ASB3: variants seen among roughly 807,000 people sequenced by gnomAD.
ASB3 encodes the protein ankyrin repeat and SOCS box containing 3, also known as ankyrin repeat and SOCS box protein 3.
ASB3 carries 41 observed loss-of-function variants against 54.5 expected under a neutral mutation model. The observed-to-expected ratio is 0.75, with a 90% CI of 0.59 to 0.98. The LOEUF (loss-of-function observed/expected upper bound fraction) is 0.98. ASB3 is among the 50% of genes least tolerant of loss of function. ASB3 has a pLI of 0.00. For synonymous variants in ASB3, 266 were observed against 221.2 expected (o/e 1.20, Z -1.80); for missense variants, 733 against 620.0 (o/e 1.18, Z -1.94).
intron 2 of ASB3, among the ~76,000 whole-genome samples, chr2:53,752,846 T>C (rs556373424): frequency 3.6e-4 from 55 of 152,174 alleles, no homozygotes; most frequent in African/African-American, 1.0e-3. Context: ...ACAGAAGCAG[T>C]AAGAGACTAA....
At chr2:53,716,329 G>C (rs1355654460) in intron 6 of ASB3, among the ~76,000 whole-genome samples, 1 of 152,140 alleles carries the variant, frequency 6.6e-6, no homozygotes, top group African/African-American at 2.4e-5. Flanking sequence ...AACACCCCGA[G>C]AAAGTCCCTG....
intron 3 of ASB3, among the ~76,000 whole-genome samples, chr2:53,736,438 C>T (rs1035749360): frequency 1.9e-4 from 29 of 152,202 alleles, no homozygotes; most frequent in African/African-American, 6.5e-4. Flanking sequence ...GTGGCTCACG[C>T]CTGTAATCCC....
At chr2:53,725,934 C>CT (rs1315706118) in intron 5 of ASB3, among the ~76,000 whole-genome samples, 3 of 150,732 alleles carry the variant, frequency 2.0e-5, no homozygotes, top group African/African-American at 2.4e-5. Context: ...GAAACCTTAA[C>CT]TTTTTTTTTA....
intron 9 of ASB3, among the ~76,000 whole-genome samples, chr2:53,691,575 G>C (rs1281921961): frequency 6.6e-6 from 1 of 152,126 alleles, no homozygotes; most frequent in South Asian, 2.1e-4. Context: ...TGCTGGGTTT[G>C]AGCCCATTAG....
chr2:53,730,326 A>G (rs1188490298), intron 3 of ASB3, among the ~76,000 whole-genome samples: 1 of 152,200 alleles, frequency 6.6e-6, no homozygotes, highest in Non-Finnish European at 1.5e-5. Flanking sequence ...GTTAGGTGTG[A>G]GGCTACTGAG....
chr2:53,774,819 T>C (rs763129755), intron 1 of ASB3: 6 of 233,346 alleles, frequency 2.6e-5, no homozygotes, highest in Non-Finnish European at 4.9e-5. Context: ...AGAGTGATAA[T>C]CATCCTGTTT....
At chr2:53,715,409 G>T (rs1670330997) in intron 6 of ASB3, among the ~76,000 whole-genome samples, 1 of 152,130 alleles carries the variant, frequency 6.6e-6, no homozygotes, top group African/African-American at 2.4e-5. Context: ...CTCATGTAAT[G>T]TATGTCTAAG....
intron 1 of ASB3, chr2:53,767,696 A>G (rs184211461): frequency 3.1e-5 from 20 of 652,756 alleles, no homozygotes; most frequent in Middle Eastern, 8.6e-4. Context: ...AATCAAGGAA[A>G]TAAAATAAAG....
intron 3 of ASB3, 88 bp downstream of exon 3, chr2:53,750,695 A>G: frequency 7.3e-7 from 1 of 1,361,454 alleles, no homozygotes; most frequent in Non-Finnish European, 9.6e-7. Context: ...TACTATAAGC[A>G]CAACAGCTGA....
At chr2:53,673,331 G>C (rs184598012) in intron 9 of ASB3, among the ~76,000 whole-genome samples, 3 of 152,332 alleles carry the variant, frequency 2.0e-5, no homozygotes, top group Non-Finnish European at 4.4e-5. Flanking sequence ...CTCACATGGA[G>C]ATAAGGGATC....
chr2:53,757,886 A>C lies in ASB3; in HGVS notation c.197-6945T>G, dbSNP rs142149760. ...TTATCCCTCTGCAATACAATCTCCA[A>C]GCCTTGGCTCCTTGGCCAGGGCCTT... On this transcript the variant is annotated intron_variant, in intron 2 of 9. Transcript: ENST00000263634. Among the ~76,000 whole-genome samples, 57 of 152,284 alleles carry C rather than the reference A, an allele frequency of 3.7e-4. 1 individual carries two copies. In the East Asian group the frequency reaches 0.011, roughly 28 times the overall value.
At chr2:53,709,074 G>C (rs1015799414) in intron 7 of ASB3, among the ~76,000 whole-genome samples, 1 of 152,312 alleles carries the variant, frequency 6.6e-6, no homozygotes, top group Middle Eastern at 3.4e-3. Context: ...AAACCACCAG[G>C]GGGTGGTGGA....
chr2:53,708,687 G>A (rs1669926620), intron 7 of ASB3, among the ~76,000 whole-genome samples: 1 of 152,204 alleles, frequency 6.6e-6, no homozygotes, highest in Non-Finnish European at 1.5e-5. Context: ...CAAGGTCTCA[G>A]ATGGAAAAGC....
At chr2:53,728,678 T>G (rs369077235) in intron 5 of ASB3, 34 bp downstream of exon 5, 5 of 1,470,514 alleles carry the variant, frequency 3.4e-6, no homozygotes, top group Non-Finnish European at 3.6e-6. Flanking sequence ...AAGCTCATGA[T>G]CTTAACAGTA....
rs766579026 is a variant in ASB3, at chr2:53,700,321, T to A, written c.1188A>T (p.Pro396=). The A allele has an allele frequency of 1.2e-6, 2 of 1,614,080 alleles. No homozygotes were observed. The highest frequency in any genetic ancestry group is 1.1e-5 in the South Asian group (1 of 91,070). ...GGTCAAATCCAGCAACCAGAAGATG[T>A]GGCAACCACTCCTTATATTTTGCTT... ...KAQAKYKEWL[P]HLLVAGFDPL... Residue 396 remains proline, a synonymous_variant, in exon 8 of 10, where the codon CCA becomes CCT. Coordinates refer to ENST00000263634, the MANE Select transcript of ASB3 (RefSeq NM_016115.5).
At chr2:53,670,798 T>A in intron 9 of ASB3, 108 bp from the exon 10 acceptor site, 1 of 1,286,030 alleles carries the variant, frequency 7.8e-7, no homozygotes, top group Admixed American at 2.8e-5. Flanking sequence ...AAGTGATATA[T>A]TGCTTGAAAG....
At chr2:53,693,675 T>G (rs1276805632) in intron 9 of ASB3, among the ~76,000 whole-genome samples, 1 of 152,134 alleles carries the variant, frequency 6.6e-6, no homozygotes, top group African/African-American at 2.4e-5. Context: ...ATATGTTCCT[T>G]AGGCTAAGAT....
At chr2:53,724,086 A>C (rs1256518948) in intron 5 of ASB3, among the ~76,000 whole-genome samples, 1 of 152,212 alleles carries the variant, frequency 6.6e-6, no homozygotes, top group Non-Finnish European at 1.5e-5. Flanking sequence ...AAAATTGGTA[A>C]GTGGGACCTA....
intron 1 of ASB3, among the ~76,000 whole-genome samples, chr2:53,773,790 A>G (rs569008100): frequency 5.2e-4 from 78 of 150,984 alleles, no homozygotes; most frequent in Non-Finnish European, 9.3e-4. Flanking sequence ...ATCCCAGCAC[A>G]CTGGGAGGCC....
Sources: gnomAD v4.1 joint callset for allele counts (sites outside exome capture counted in the v4.1 genomes callset) on GRCh38, gnomAD v4.1.1 for gene constraint, MANE v1.5 for transcripts, NCBI Gene and HGNC (gene_info 2026-07-23, HGNC 2026-07-21) for gene names.